Variants in IL1RAPL2 observed in about 807,000 individuals in gnomAD.
IL1RAPL2 encodes X-linked interleukin-1 receptor accessory protein-like 2.
In IL1RAPL2, 3 loss-of-function variants were observed where a neutral mutation model predicts 44.1. The ratio of observed to expected loss-of-function variants is 0.07; its 90% CI spans 0.03 to 0.18. IL1RAPL2 has a LOEUF of 0.18. Ranked by LOEUF, IL1RAPL2 falls within the 10% of genes least tolerant of loss-of-function variation. IL1RAPL2 has a pLI of 1.00. For synonymous variants in IL1RAPL2, 181 were observed against 178.8 expected (o/e 1.01, Z -0.10); for missense variants, 391 against 496.4 (o/e 0.79, Z 2.02).
intron 2 of IL1RAPL2, among the ~76,000 whole-genome samples, chrX:104,914,727 C>T (rs888813849): frequency 8.2e-5 from 9 of 110,382 alleles, no homozygotes; most frequent in South Asian, 7.7e-4. Context: ...TCCCCCACCC[C>T]ACAACAGTCC....
At chrX:105,212,934 C>T (rs781999483) in intron 3 of IL1RAPL2, among the ~76,000 whole-genome samples, 6 of 112,161 alleles carry the variant, frequency 5.3e-5, no homozygotes, top group African/African-American at 1.9e-4. Flanking sequence ...ACAACATCAA[C>T]ATCAGTATCA....
chrX:105,767,177 G>A lies in IL1RAPL2; in HGVS notation c.1577G>A (p.Arg526His), dbSNP rs377437750. 9.8e-5 allele frequency: 118 copies of A among 1,208,625 alleles called. No homozygotes were observed. The South Asian group carries it at 1.2e-3, about 12-fold the overall frequency. Residue 526 changes from arginine (R) to histidine (H), a missense_variant, in exon 11 of 11, where the codon CGT becomes CAT. Arg to His is a conservative substitution (Grantham distance 29, BLOSUM62 0). Coordinates refer to ENST00000372582, the MANE Select transcript of IL1RAPL2 (RefSeq NM_017416.2). ...VNCQEVESLKRSIKLLSLIKW... is the reference protein window; with the variant it reads ...VNCQEVESLKHSIKLLSLIKW... ...TGCCAGGAAGTGGAATCACTAAAGC[G>A]TAGCATCAAACTTCTGTCCCTGATC...
intron 2 of IL1RAPL2, among the ~76,000 whole-genome samples, chrX:104,931,473 T>C (rs1223416216): frequency 1.8e-5 from 2 of 109,449 alleles, no homozygotes; most frequent in East Asian, 5.8e-4. Flanking sequence ...AGATTTTTGA[T>C]TGGAGAAGGT....
In IL1RAPL2 at chrX:104,725,385, T is replaced by C. The variant is rs371867274; in HGVS notation, c.82+66390T>C. ...TTATAGTTGAACGTTTTATAATCCTTTGGGTATATACTCAGTAGTGGGATT... is the reference window on the plus strand; with the variant it reads ...TTATAGTTGAACGTTTTATAATCCTCTGGGTATATACTCAGTAGTGGGATT... On this transcript the variant is annotated intron_variant, in intron 2 of 10. Transcript: ENST00000372582. Among the ~76,000 whole-genome samples the C allele has an allele frequency of 6.3e-5, 7 of 111,713 alleles. No homozygotes were observed. The East Asian group carries it at 1.7e-3, about 27-fold the overall frequency.
At chrX:105,411,893 C>A (rs2035698632) in intron 5 of IL1RAPL2, among the ~76,000 whole-genome samples, 1 of 111,880 alleles carries the variant, frequency 8.9e-6, no homozygotes. Flanking sequence ...CAGGATAGAT[C>A]ATGTGTTAGG....
At chrX:105,189,666 A>G (rs1451638413) in intron 2 of IL1RAPL2, among the ~76,000 whole-genome samples, 1 of 112,251 alleles carries the variant, frequency 8.9e-6, no homozygotes, top group Non-Finnish European at 1.9e-5. Flanking sequence ...CGTCAAGAAC[A>G]TGAATTATTA....
intron 2 of IL1RAPL2, among the ~76,000 whole-genome samples, chrX:104,878,914 A>G (rs1205937145): frequency 9.0e-6 from 1 of 111,098 alleles, no homozygotes; most frequent in East Asian, 2.8e-4. Context: ...GAAGTTGGCA[A>G]GAAAAATATA....
intron 4 of IL1RAPL2, among the ~76,000 whole-genome samples, chrX:105,243,449 T>C (rs1360932713): frequency 9.2e-6 from 1 of 108,710 alleles, no homozygotes; most frequent in Non-Finnish European, 1.9e-5. Flanking sequence ...CAGTCTCAGG[T>C]ATTTATGGCA....
intron 2 of IL1RAPL2, among the ~76,000 whole-genome samples, chrX:105,078,251 A>G (rs897542656): frequency 5.4e-5 from 6 of 111,946 alleles, no homozygotes; most frequent in Admixed American, 4.7e-4. Context: ...TCCTTCTAAC[A>G]GTCAGGACCC....
chrX:105,101,904 C>CA (rs1194562312), intron 2 of IL1RAPL2, among the ~76,000 whole-genome samples: 5 of 112,159 alleles, frequency 4.5e-5, no homozygotes, highest in Admixed American at 9.5e-5. Flanking sequence ...ACTCAGCCTG[C>CA]AGTCATCATT....
chrX:104,647,906 G>A, intron 1 of IL1RAPL2: 1 of 648,251 alleles, frequency 1.5e-6, no homozygotes, highest in Admixed American at 2.3e-5. Context: ...TCTGTGACCA[G>A]CATCCACATT....
chrX:104,679,202 G>A (rs1930847867), intron 2 of IL1RAPL2, among the ~76,000 whole-genome samples: 1 of 110,842 alleles, frequency 9.0e-6, no homozygotes, highest in South Asian at 3.9e-4. Context: ...GATATGGACT[G>A]GAGCCCATGA....
At chrX:104,815,846 T>C (rs1402848573) in intron 2 of IL1RAPL2, among the ~76,000 whole-genome samples, 1 of 108,983 alleles carries the variant, frequency 9.2e-6, no homozygotes, top group Non-Finnish European at 1.9e-5. Context: ...TTTTTTTTTT[T>C]TTTTTGGTTC....
intron 5 of IL1RAPL2, among the ~76,000 whole-genome samples, chrX:105,358,262 C>T (rs73520905): frequency 0.13 from 14,110 of 108,669 alleles, 2,285 homozygotes; most frequent in African/African-American, 0.45. Flanking sequence ...TGTTTTTTTT[C>T]CTACACGTTT....
Position 105,177,834 on chromosome X carries a change from A to G in IL1RAPL2, c.83-17641A>G, listed in dbSNP as rs146341296. Reference sequence around the variant, plus strand: ...AAAATTGTCAATATTTGAACTTTCTAAACAATTTACCTTTCTTGATACATA... The same window carrying G: ...AAAATTGTCAATATTTGAACTTTCTGAACAATTTACCTTTCTTGATACATA... On this transcript the variant is annotated intron_variant, in intron 2 of 10. Transcript: ENST00000372582. 6.1e-3 allele frequency among the ~76,000 whole-genome samples: 680 copies of G among 111,735 alleles called. 7 individuals carry two copies. The highest frequency in any genetic ancestry group is 0.021 in the African/African-American group (634 of 30,769).
chrX:104,958,037 A>G (rs1161748178), intron 2 of IL1RAPL2, among the ~76,000 whole-genome samples: 2 of 111,991 alleles, frequency 1.8e-5, no homozygotes, highest in Non-Finnish European at 3.8e-5. Context: ...GGCTGCAGTG[A>G]GCTATGATTG....
intron 2 of IL1RAPL2, among the ~76,000 whole-genome samples, chrX:104,869,803 G>A (rs1186035145): frequency 1.8e-5 from 2 of 111,978 alleles, no homozygotes; most frequent in African/African-American, 6.5e-5. Flanking sequence ...ACATAGAAAA[G>A]GGGAGAGGCT....
At chrX:105,423,751 G>GA (rs1309327578) in intron 5 of IL1RAPL2, among the ~76,000 whole-genome samples, 1 of 109,837 alleles carries the variant, frequency 9.1e-6, no homozygotes, top group Non-Finnish European at 1.9e-5. Context: ...AGAAGCAGGA[G>GA]AAAAAATCCT....
intron 2 of IL1RAPL2, among the ~76,000 whole-genome samples, chrX:104,906,232 C>T (rs1467026721): frequency 9.0e-6 from 1 of 111,496 alleles, no homozygotes; most frequent in African/African-American, 3.3e-5. Flanking sequence ...TGTAGATATA[C>T]AATCATGTCA....
Sources: allele counts gnomAD v4.1 joint callset (sites outside exome capture counted in the v4.1 genomes callset), GRCh38; gene constraint gnomAD v4.1.1; transcripts MANE v1.5; gene names NCBI Gene and HGNC (gene_info 2026-07-23, HGNC 2026-07-21).